The following GRM8 variants were observed in gnomAD, a reference collection of about 807,000 sequenced individuals.
GRM8 encodes the protein glutamate metabotropic receptor 8.
A neutral mutation model predicts 87.2 loss-of-function variants in GRM8; 47 were observed. That is an observed-to-expected ratio of 0.54 (90% confidence interval 0.43 to 0.69). GRM8 has a LOEUF of 0.69. Among genes scored for constraint, GRM8 ranks in the 30% least tolerant of loss-of-function variants. The pLI is 0.00. For synonymous variants in GRM8, 396 were observed against 404.5 expected (o/e 0.98, Z 0.25); for missense variants, 1,019 against 1,139.2 (o/e 0.89, Z 1.52).
intron 3 of GRM8, among the ~76,000 whole-genome samples, chr7:126,974,765 C>T (rs970517228): frequency 2.0e-5 from 3 of 151,806 alleles, no homozygotes; most frequent in Admixed American, 6.6e-5. Flanking sequence ...AATCCTGTCT[C>T]TACTAAAAAT....
intron 7 of GRM8, among the ~76,000 whole-genome samples, chr7:126,733,045 G>C (rs1279343476): frequency 6.6e-6 from 1 of 151,964 alleles, no homozygotes; most frequent in Non-Finnish European, 1.5e-5. Flanking sequence ...ATTAGTGTTA[G>C]TGTGTTTTAC....
chr7:127,241,736 G>GT (rs1487019993), intron 2 of GRM8, among the ~76,000 whole-genome samples: 8 of 152,186 alleles, frequency 5.3e-5, no homozygotes, highest in Admixed American at 2.0e-4. Context: ...CACCCAGCCA[G>GT]GAACCATTTT....
intron 8 of GRM8, among the ~76,000 whole-genome samples, chr7:126,575,827 T>C (rs1324828528): frequency 1.3e-5 from 2 of 152,176 alleles, no homozygotes; most frequent in African/African-American, 4.8e-5. Flanking sequence ...TATTTGTGTC[T>C]CTCTTATTTT....
intron 2 of GRM8, among the ~76,000 whole-genome samples, chr7:127,227,850 C>T (rs1422121235): frequency 3.3e-5 from 5 of 152,206 alleles, no homozygotes; most frequent in South Asian, 2.1e-4. Flanking sequence ...CATGGGGTCA[C>T]AGGCAGTCAG....
At position 127,065,216 on chromosome 7, in the gene GRM8, C is replaced by T. The variant is rs141203847; in HGVS notation, c.727+41280G>A. Among the ~76,000 whole-genome samples the T allele has an allele frequency of 8.5e-4, 130 of 152,142 alleles. 1 individual carries two copies. Among genetic ancestry groups the T allele is most frequent in the African/African-American group, 2.9e-3 (120 of 41,522 alleles). On this transcript the variant is annotated intron_variant, in intron 3 of 10. Transcript: ENST00000339582. ...AAAAAGAACCAGATCATGTTTTTTG[C>T]GGGAACATGCAATAGCTGGAGGCCA...
chr7:127,099,712 C>T (rs17866903), intron 3 of GRM8, among the ~76,000 whole-genome samples: 2,000 of 152,278 alleles, frequency 0.013, 43 homozygotes, highest in African/African-American at 0.045. Flanking sequence ...AACCTGTTGT[C>T]CTCCTAGCCC....
At chr7:126,703,699 A>G (rs776065032) in intron 7 of GRM8, among the ~76,000 whole-genome samples, 1 of 152,090 alleles carries the variant, frequency 6.6e-6, no homozygotes, top group Non-Finnish European at 1.5e-5. Context: ...GTCTAGGACT[A>G]CAGGTGTGCT....
At chr7:127,151,782 A>C (rs1456530626) in intron 2 of GRM8, among the ~76,000 whole-genome samples, 4 of 152,108 alleles carry the variant, frequency 2.6e-5, no homozygotes, top group African/African-American at 7.2e-5. Context: ...TACAAATCTA[A>C]AGAAGAGATA....
intron 6 of GRM8, among the ~76,000 whole-genome samples, chr7:126,775,552 A>T (rs148288087): frequency 3.5e-4 from 51 of 147,662 alleles, no homozygotes; most frequent in African/African-American, 1.3e-3. Context: ...AATAGGGGGA[A>T]CATAAGGTAG....
chr7:127,050,731 G>A (rs1819383444), intron 3 of GRM8, among the ~76,000 whole-genome samples: 1 of 152,196 alleles, frequency 6.6e-6, no homozygotes, highest in Non-Finnish European at 1.5e-5. Context: ...TTTGCAGAGA[G>A]CCGATGACGT....
chr7:126,488,724 A>G (rs577489057), intron 9 of GRM8, among the ~76,000 whole-genome samples: 1 of 152,032 alleles, frequency 6.6e-6, no homozygotes, highest in South Asian at 2.1e-4. Flanking sequence ...TTTGGGAATT[A>G]GAATTATCTT....
chr7:126,873,279 C>T (rs1427529888), intron 6 of GRM8, among the ~76,000 whole-genome samples: 1 of 152,032 alleles, frequency 6.6e-6, no homozygotes, highest in East Asian at 1.9e-4. Context: ...CGAACATGAC[C>T]AAATCCACCA....
chr7:127,238,488 A>C (rs1167427099), intron 2 of GRM8, among the ~76,000 whole-genome samples: 3 of 152,218 alleles, frequency 2.0e-5, no homozygotes, highest in African/African-American at 7.2e-5. Context: ...GGAGGCACAC[A>C]TCATTCACTG....
chr7:127,038,996 C>A (rs964660925), intron 3 of GRM8, among the ~76,000 whole-genome samples: 16 of 152,182 alleles, frequency 1.1e-4, no homozygotes, highest in Non-Finnish European at 2.1e-4. Flanking sequence ...CCTCACCCCA[C>A]AGTTGTCTCT....
chr7:126,813,412 A>C (rs1376316479), intron 6 of GRM8, among the ~76,000 whole-genome samples: 1 of 152,056 alleles, frequency 6.6e-6, no homozygotes, highest in Non-Finnish European at 1.5e-5. Context: ...GAATGGAAAA[A>C]CTCTGGTTGC....
chr7:127,083,086 C>T (rs1467934465), intron 3 of GRM8, among the ~76,000 whole-genome samples: 3 of 152,162 alleles, frequency 2.0e-5, no homozygotes, highest in Non-Finnish European at 4.4e-5. Context: ...GTCCACATAC[C>T]TTGTGCAACT....
intron 8 of GRM8, among the ~76,000 whole-genome samples, chr7:126,571,554 T>C (rs1314939701): frequency 1.3e-5 from 2 of 152,142 alleles, no homozygotes; most frequent in East Asian, 3.9e-4. Flanking sequence ...AGATTTCTAG[T>C]GTGTGTGCTG....
rs372191249 is a variant in GRM8 at position 126,802,491 on chromosome 7, A to G, written c.1157-32426T>C. Among the ~76,000 whole-genome samples the G allele has an allele frequency of 2.8e-4, 43 of 152,304 alleles. 1 individual carries two copies. The highest frequency in any genetic ancestry group is 9.4e-4 in the African/African-American group (39 of 41,574). ...AGTGTTCATCAATGGATGAATGGAT[A>G]AAGAAAACGTGGCATATATACACAA... is the stretch of plus-strand genomic sequence containing the variant. On this transcript the variant is annotated intron_variant, in intron 6 of 10. Transcript: ENST00000339582.
intron 6 of GRM8, among the ~76,000 whole-genome samples, chr7:126,881,956 A>C (rs1011488389): frequency 2.0e-5 from 3 of 152,118 alleles, no homozygotes; most frequent in African/African-American, 7.2e-5. Context: ...AGAATCAATG[A>C]GTGTTAATGG....
Sources: allele counts gnomAD v4.1 joint callset (sites outside exome capture counted in the v4.1 genomes callset), GRCh38; gene constraint gnomAD v4.1.1; transcripts MANE v1.5; gene names NCBI Gene and HGNC (gene_info 2026-07-23, HGNC 2026-07-21).